RALGAPA2: variants seen among roughly 807,000 people sequenced by gnomAD.
The protein encoded by RALGAPA2 is ral GTPase-activating protein subunit alpha-2.
A neutral mutation model predicts 230.4 loss-of-function variants in RALGAPA2; 139 were observed. That is an observed-to-expected ratio of 0.60 (90% CI 0.53 to 0.69). The LOEUF (loss-of-function observed/expected upper bound fraction) is 0.69. Among genes scored for constraint, RALGAPA2 ranks in the 30% least tolerant of loss-of-function variants. The pLI is 0.00. For missense variants in RALGAPA2, 2,163 were observed against 2,276.0 expected (o/e 0.95, Z 1.01); for synonymous variants, 847 against 837.8 (o/e 1.01, Z -0.19).
chr20:20,649,125 C>A (rs1172404860), intron 4 of RALGAPA2, among the ~76,000 whole-genome samples: 2 of 152,178 alleles, frequency 1.3e-5, no homozygotes, highest in African/African-American at 4.8e-5. Flanking sequence ...GGCATTAGTT[C>A]CAGACATCTC....
intron 33 of RALGAPA2, among the ~76,000 whole-genome samples, chr20:20,507,642 C>T (rs2062572353): frequency 6.6e-6 from 1 of 152,340 alleles, no homozygotes; most frequent in South Asian, 2.1e-4. Flanking sequence ...TAGGGTTGAG[C>T]ACCATGCCCA....
rs1226133054 is a variant in RALGAPA2, at chr20:20,653,512, A to T, written c.328+18T>A. 9 of 1,403,878 alleles carry T rather than the reference A, an allele frequency of 6.4e-6. No individual in the cohort carries two copies. The Admixed American group carries it at 1.1e-4, about 17-fold the overall frequency. The allele number at this position is 1,403,878 out of a possible 1,614,324, so 87.0% of individuals were successfully genotyped here. On this transcript the variant is annotated intron_variant, in intron 4 of 39. Coordinates refer to ENST00000202677, the MANE Select transcript of RALGAPA2 (RefSeq NM_020343.4). Reference sequence around the variant, plus strand: ...TGGAAGAAATTCATATTACTAAAAAATTTTTAATTGTTCTTACCTATACTC... The same window carrying T: ...TGGAAGAAATTCATATTACTAAAAATTTTTTAATTGTTCTTACCTATACTC...
chr20:20,490,024 T>C (rs1378112560), intron 36 of RALGAPA2, among the ~76,000 whole-genome samples: 3 of 152,178 alleles, frequency 2.0e-5, no homozygotes, highest in African/African-American at 7.2e-5. Flanking sequence ...CTGAGGAAAA[T>C]CAGTTGAGAA....
At position 20,629,358 on chromosome 20, in the gene RALGAPA2, C is replaced by CACA; in HGVS notation, c.1233+4_1233+5insTGT. 2 of 1,543,422 alleles carry CACA rather than the reference C, an allele frequency of 1.3e-6. No homozygotes were observed. The highest frequency in any genetic ancestry group is 1.8e-6 in the Non-Finnish European group (2 of 1,134,348). ...ACACACACACACACACACACACACACTAACCTGGTGAAATACTTCATTCAC... is the reference window on the plus strand; with the variant it reads ...ACACACACACACACACACACACACACACATAACCTGGTGAAATACTTCATTCAC... On this transcript the variant is annotated splice_donor_region_variant and intron_variant, in intron 10 of 39. Transcript: ENST00000202677.
At chr20:20,615,097 T>A (rs2066095954) in intron 13 of RALGAPA2, among the ~76,000 whole-genome samples, 2 of 151,644 alleles carry the variant, frequency 1.3e-5, no homozygotes, top group South Asian at 4.2e-4. Context: ...AAAGTGACTC[T>A]GAGGCTTTCT....
Position 20,517,164 on chromosome 20 carries a change from C to T in RALGAPA2, c.4084+3753G>A, listed in dbSNP as rs527958984. ...GCTGCATCCTCACAGAAGCACTCTC[C>T]AAGTTTAGGCTTGCACAAGAGGCAG... On this transcript the variant is annotated intron_variant, in intron 31 of 39. Transcript: ENST00000202677. 5.3e-5 allele frequency among the ~76,000 whole-genome samples: 8 copies of T among 152,322 alleles called. No homozygotes were observed. In the East Asian group the frequency reaches 1.5e-3, roughly 29 times the overall value.
chr20:20,562,078 G>A (rs1224937442), intron 23 of RALGAPA2, among the ~76,000 whole-genome samples: 1 of 152,156 alleles, frequency 6.6e-6, no homozygotes, highest in Non-Finnish European at 1.5e-5. Context: ...GAAACTGATA[G>A]TTGGAGCCAA....
chr20:20,586,098 A>G (rs1458924907), intron 18 of RALGAPA2, among the ~76,000 whole-genome samples: 1 of 152,240 alleles, frequency 6.6e-6, no homozygotes, highest in Non-Finnish European at 1.5e-5. Flanking sequence ...GTTAAAAAAC[A>G]GAATGTAGAC....
intron 38 of RALGAPA2, among the ~76,000 whole-genome samples, chr20:20,401,079 A>C (rs1165845012): frequency 6.6e-6 from 1 of 152,210 alleles, no homozygotes; most frequent in East Asian, 1.9e-4. Context: ...AGGGGGGATG[A>C]AATGTTATAG....
At chr20:20,453,991 A>G (rs1602411884) in intron 37 of RALGAPA2, among the ~76,000 whole-genome samples, 1 of 152,304 alleles carries the variant, frequency 6.6e-6, no homozygotes, top group East Asian at 1.9e-4. Context: ...ATCTCCAGCA[A>G]GAAATGCACC....
chr20:20,416,757 C>T (rs2060173713), intron 37 of RALGAPA2, among the ~76,000 whole-genome samples: 1 of 152,176 alleles, frequency 6.6e-6, no homozygotes, highest in Non-Finnish European at 1.5e-5. Context: ...CACTATCAAG[C>T]TTCTTTTATC....
chr20:20,670,863 T>C (rs904695355), intron 3 of RALGAPA2, among the ~76,000 whole-genome samples: 16 of 151,066 alleles, frequency 1.1e-4, no homozygotes, highest in Admixed American at 2.6e-4. Context: ...GCAGGAAGAA[T>C]TGCTTGAACC....
chr20:20,661,220 G>A (rs1300150533), intron 3 of RALGAPA2, among the ~76,000 whole-genome samples: 3 of 152,028 alleles, frequency 2.0e-5, no homozygotes, highest in South Asian at 2.1e-4. Flanking sequence ...GAGCAATGGC[G>A]CAATCTTGGC....
At chr20:20,473,281 C>G (rs1178985505) in intron 36 of RALGAPA2, among the ~76,000 whole-genome samples, 2 of 152,206 alleles carry the variant, frequency 1.3e-5, no homozygotes, top group African/African-American at 4.8e-5. Flanking sequence ...GCATGATACA[C>G]AGACATGCTT....
chr20:20,440,491 G>A (rs902107070), intron 37 of RALGAPA2, among the ~76,000 whole-genome samples: 4 of 152,140 alleles, frequency 2.6e-5, no homozygotes, highest in African/African-American at 7.2e-5. Flanking sequence ...CTGCTGGTTC[G>A]TTCTTGGGCC....
intron 13 of RALGAPA2, 52 bp downstream of exon 13, chr20:20,615,991 G>A: frequency 7.8e-7 from 1 of 1,279,738 alleles, no homozygotes; most frequent in Non-Finnish European, 1.0e-6. Context: ...TAATTATGTT[G>A]AAAAACAGAA....
At chr20:20,702,899 A>G (rs2069445185) in intron 1 of RALGAPA2, among the ~76,000 whole-genome samples, 1 of 152,182 alleles carries the variant, frequency 6.6e-6, no homozygotes, top group African/African-American at 2.4e-5. Flanking sequence ...TTGTCCAGGC[A>G]TGGTGGCTCA....
Position 20,393,159 on chromosome 20 carries a change from T to C in RALGAPA2, c.*130A>G. 2 of 1,360,592 alleles carry C rather than the reference T, an allele frequency of 1.5e-6. No individual in the cohort carries two copies. The highest frequency in any genetic ancestry group is 2.0e-6 in the Non-Finnish European group (2 of 1,019,304). 84.3% of individuals were successfully genotyped at this position (1,360,592 alleles called of 1,614,324 possible). Reference sequence around the variant, plus strand: ...AACGAAATTTCCTGGAGATTCTGGGTTTAGTGGCTCGGGGCAGAGGCAGGA... The same window carrying C: ...AACGAAATTTCCTGGAGATTCTGGGCTTAGTGGCTCGGGGCAGAGGCAGGA... On this transcript the variant is annotated 3_prime_UTR_variant, in exon 40 of 40. Coordinates refer to ENST00000202677, the MANE Select transcript of RALGAPA2 (RefSeq NM_020343.4).
chr20:20,412,045 A>G lies in RALGAPA2; in HGVS notation c.5599T>C (p.Tyr1867His), dbSNP rs749715851. ...CACTCACCCGTTCCGCTGAGGGAGT[A>G]GCTGGGAGAGGGAGAAAAGACTTGG... ...AAQVFSPSPSYSLSGTD is the reference protein window; with the variant it reads ...AAQVFSPSPSHSLSGTD Residue 1867 changes from tyrosine (Y) to histidine (H), a missense_variant, in exon 38 of 40, where the codon TAC becomes CAC. By Grantham distance (83) the Tyr-to-His change is moderately conservative (BLOSUM62 2). Transcript: ENST00000202677. The G allele has an allele frequency of 1.2e-6, 2 of 1,614,034 alleles. No homozygotes were observed. Among genetic ancestry groups the G allele is most frequent in the South Asian group, 1.1e-5 (1 of 91,078 alleles).
Sources: allele counts gnomAD v4.1 joint callset (sites outside exome capture counted in the v4.1 genomes callset), GRCh38; gene constraint gnomAD v4.1.1; transcripts MANE v1.5; gene names NCBI Gene and HGNC (gene_info 2026-07-23, HGNC 2026-07-21).